MTX3: variants seen among roughly 807,000 people sequenced by gnomAD.
The protein encoded by MTX3 is metaxin-3.
A neutral mutation model predicts 42.5 loss-of-function variants in MTX3; 27 were observed. The observed-to-expected ratio is 0.64, with a 90% CI of 0.47 to 0.88. The LOEUF is 0.88. Ranked by LOEUF, MTX3 falls within the 40% of genes least tolerant of loss-of-function variation. MTX3 has a pLI of 0.00. For synonymous variants in MTX3, 144 were observed against 132.9 expected (o/e 1.08, Z -0.57); for missense variants, 378 against 367.0 (o/e 1.03, Z -0.25).
At chr5:79,991,054 G>C in intron 1 of MTX3, 104 bp downstream of exon 1, 1 of 1,172,738 alleles carries the variant, frequency 8.5e-7, no homozygotes, top group Non-Finnish European at 1.2e-6. Context: ...GCAGCGGCTC[G>C]GCCCTCCTGG....
In MTX3 at chr5:79,980,437, AC is replaced by A. The variant is rs1445081055; in HGVS notation, c.*3246del. On this transcript the variant is annotated 3_prime_UTR_variant, in exon 9 of 9. Transcript: ENST00000512528. Reference sequence around the variant, plus strand: ...TTTATAAAATCTCCAGTCTCGCAGCACCCCCAATATAATACAAACAAACTTA... The same window carrying A: ...TTTATAAAATCTCCAGTCTCGCAGCACCCCAATATAATACAAACAAACTTA... The A allele has an allele frequency of 2.0e-5, 3 of 152,118 alleles. No homozygotes were observed. Among genetic ancestry groups the A allele is most frequent in the African/African-American group, 7.2e-5 (3 of 41,404 alleles). The allele number at this position is 152,118 out of a possible 1,614,324, so 9.4% of individuals were successfully genotyped here.
Position 79,978,711 on chromosome 5 carries a change from T to C in MTX3, c.*4973A>G, listed in dbSNP as rs1257904909. The stretch of plus-strand genomic sequence containing the variant: ...TATCAAAGGTCTGAAAGGCCAACAG[T>C]AACTCAACTTTGTCTAACCCACTAT... On this transcript the variant is annotated 3_prime_UTR_variant, in exon 9 of 9. Coordinates refer to ENST00000512528, the MANE Select transcript of MTX3 (RefSeq NM_001363818.2). The C allele has an allele frequency of 6.6e-6, 1 of 152,244 alleles. No homozygotes were observed. The highest frequency in any genetic ancestry group is 2.4e-5 in the African/African-American group (1 of 41,446). The allele number at this position is 152,244 out of a possible 1,614,324, so 9.4% of individuals were successfully genotyped here.
chr5:79,989,299 C>T (rs1831571669), intron 3 of MTX3, 55 bp from the exon 4 acceptor site: 1 of 1,075,192 alleles, frequency 9.3e-7, no homozygotes, highest in South Asian at 1.5e-5. Flanking sequence ...AGCCCAAAGA[C>T]AGTAAAACTA....
rs1490514118 is a variant in MTX3 at position 79,986,953 on chromosome 5, C to T, written c.736G>A (p.Gly246Arg). The T allele has an allele frequency of 1.9e-6, 3 of 1,613,120 alleles. No homozygotes were observed. In the Admixed American group the frequency reaches 5.0e-5, roughly 27 times the overall value. Residue 246 changes from glycine to arginine, a missense_variant, in exon 7 of 9, where the codon GGA becomes AGA. Physicochemically the swap from Gly to Arg is moderately radical, Grantham distance 125. Transcript: ENST00000512528. ...AGCTGAAAAAGAGCCAGCTTACCTC[C>T]AAGACTAAGCCTAAAATAACTGCTC... ...ILSSYFRLSLGGISPAGQETV... is the reference protein window; with the variant it reads ...ILSSYFRLSLRGISPAGQETV...
chr5:79,989,114 T>G, intron 4 of MTX3, 38 bp downstream of exon 4: 1 of 1,390,146 alleles, frequency 7.2e-7, no homozygotes, highest in Middle Eastern at 1.8e-4. Flanking sequence ...CATTTGCAAC[T>G]AGGCTACTAA....
Position 79,990,169 on chromosome 5 carries a change from TA to T in MTX3, c.218del (p.Leu73Ter), listed in dbSNP as rs767412732. Reference sequence around the variant, plus strand: ...AAAGTGAACCACCCACCTGTTTTCTTAAAAAGTTTAGTATTTTTGCTGGCTG... The same window carrying T: ...AAAGTGAACCACCCACCTGTTTTCTTAAAAGTTTAGTATTTTTGCTGGCTG... ...VSQPAKILNF[L>X]RKQKYNADYE... On this transcript the variant is annotated frameshift_variant, in exon 3 of 9. Coordinates refer to ENST00000512528, the MANE Select transcript of MTX3 (RefSeq NM_001363818.2). LOFTEE classifies it high-confidence loss of function. 6.2e-7 allele frequency: 1 copy of T among 1,608,054 alleles called. No individual in the cohort carries two copies. Among genetic ancestry groups the T allele is most frequent in the Non-Finnish European group, 8.5e-7 (1 of 1,176,714 alleles).
Position 79,983,756 on chromosome 5 carries a change from A to G in MTX3, c.867T>C (p.Pro289=), listed in dbSNP as rs1358609814. ...TCAATTTAAGTGTTGGCAGTTTCCG[A>G]GGAGGAAGCTGAGGGCTTTGGCGAA... ...DNLRQSPQLP[P]RKLPTLKLTP... The change falls in exon 9 of 9, where the codon CCT becomes CCC. Residue 289 remains proline, a synonymous_variant. Transcript: ENST00000512528. The G allele has an allele frequency of 6.2e-7, 1 of 1,613,884 alleles. No individual in the cohort carries two copies. Among genetic ancestry groups the G allele is most frequent in the Admixed American group, 1.7e-5 (1 of 60,028 alleles).
rs905088300 is a variant in MTX3 at position 79,983,457 on chromosome 5, C to A, written c.*227G>T. 5 of 528,610 alleles carry A rather than the reference C, an allele frequency of 9.5e-6. No homozygotes were observed. The highest frequency in any genetic ancestry group is 8.0e-5 in the African/African-American group (4 of 49,952). 32.7% of individuals were successfully genotyped at this position (528,610 alleles called of 1,614,324 possible). A position where few individuals can be genotyped will look rare whatever the true frequency, so the allele number is the denominator to read the frequency against. On this transcript the variant is annotated 3_prime_UTR_variant, in exon 9 of 9. Coordinates refer to ENST00000512528, the MANE Select transcript of MTX3 (RefSeq NM_001363818.2). ...AGTACGATGTGTTTTTCTTCCCCGC[C>A]CCCCCAACCAAGTTCATTTAGCATT...
Position 79,990,686 on chromosome 5 carries a change from A to G in MTX3, c.82-23T>C, listed in dbSNP as rs1312317743. ...AGCCTGAAACAGAGTTTGCAATCAAACATTTTAGACCAAGTGCGTAATGCA... is the reference window on the plus strand; with the variant it reads ...AGCCTGAAACAGAGTTTGCAATCAAGCATTTTAGACCAAGTGCGTAATGCA... On this transcript the variant is annotated intron_variant, in intron 1 of 8. Transcript: ENST00000512528. 3 of 1,582,124 alleles carry G rather than the reference A, an allele frequency of 1.9e-6. No homozygotes were observed. In the South Asian group the frequency reaches 3.3e-5, roughly 18 times the overall value.
At position 79,990,670 on chromosome 5, in the gene MTX3, C is replaced by T; in HGVS notation, c.82-7G>A. 1 of 1,610,568 alleles carries T rather than the reference C, an allele frequency of 6.2e-7. No individual in the cohort carries two copies. Among genetic ancestry groups the T allele is most frequent in the South Asian group, 1.1e-5 (1 of 90,726 alleles). On this transcript the variant is annotated splice_polypyrimidine_tract_variant and splice_region_variant and intron_variant, in intron 1 of 8. Transcript: ENST00000512528. Reference sequence around the variant, plus strand: ...CAGAAAATTTGGCATAAGCCTGAAACAGAGTTTGCAATCAAACATTTTAGA... The same window carrying T: ...CAGAAAATTTGGCATAAGCCTGAAATAGAGTTTGCAATCAAACATTTTAGA...
intron 6 of MTX3, among the ~76,000 whole-genome samples, chr5:79,987,552 C>A (rs1831526100): frequency 6.6e-6 from 1 of 150,608 alleles, no homozygotes; most frequent in Non-Finnish European, 1.5e-5. Flanking sequence ...CTGAATTACA[C>A]AGTATAGTCT....
chr5:79,985,760 G>A (rs1831474679), intron 7 of MTX3, 101 bp from the exon 8 acceptor site: 2 of 707,980 alleles, frequency 2.8e-6, no homozygotes, highest in African/African-American at 3.6e-5. Context: ...CCTGTCCAGT[G>A]CCCCACCCTC....
Position 79,987,056 on chromosome 5 carries a change from T to C in MTX3, c.633A>G (p.Lys211=). 6.2e-7 allele frequency: 1 copy of C among 1,613,956 alleles called. No individual in the cohort carries two copies. The highest frequency in any genetic ancestry group is 8.5e-7 in the Non-Finnish European group (1 of 1,179,864). ...YVFGFLAPLY[K]VRFPKVQLQE... is the part of the protein sequence containing the mutation. ...GTAGCTGAACTTTAGGAAACCGTAC[T>C]TTGTAAAGAGGTGCAAGAAAACCAA... Residue 211 remains lysine, a synonymous_variant, in exon 7 of 9, where the codon AAA becomes AAG. Coordinates refer to ENST00000512528, the MANE Select transcript of MTX3 (RefSeq NM_001363818.2).
At chr5:79,985,939 T>TTTTAA (rs1561282155) in intron 7 of MTX3, among the ~76,000 whole-genome samples, 1 of 96,818 alleles carries the variant, frequency 1.0e-5, no homozygotes, top group African/African-American at 4.1e-5. Flanking sequence ...TTTTTTTTTT[T>TTTTAA]GAAAAAAAAA....
Position 79,977,205 on chromosome 5 carries a change from T to TTTAAC in MTX3, c.*6474_*6478dup, listed in dbSNP as rs1280312636. On this transcript the variant is annotated 3_prime_UTR_variant, in exon 9 of 9. Coordinates refer to ENST00000512528, the MANE Select transcript of MTX3 (RefSeq NM_001363818.2). ...GAGAAGTAAAACTCATTTTTATGCATTTAACTTAAAAGCTTGAATACACGA... is the reference window on the plus strand; with the variant it reads ...GAGAAGTAAAACTCATTTTTATGCATTTAACTTAACTTAAAAGCTTGAATACACGA... 1 of 152,198 alleles carries TTTAAC rather than the reference T, an allele frequency of 6.6e-6. No individual in the cohort carries two copies. 9.4% of individuals were successfully genotyped at this position (152,198 alleles called of 1,614,324 possible).
chr5:79,987,227 G>C, intron 6 of MTX3, 120 bp from the exon 7 acceptor site: 1 of 762,516 alleles, frequency 1.3e-6, no homozygotes, highest in East Asian at 2.7e-5. Flanking sequence ...GATCACTTGA[G>C]GTCAGGAGTT....
intron 8 of MTX3, among the ~76,000 whole-genome samples, chr5:79,984,172 T>G (rs546602472): frequency 6.6e-6 from 1 of 152,242 alleles, no homozygotes; most frequent in African/African-American, 2.4e-5. Flanking sequence ...TATTTGATCT[T>G]CCCGATACGC....
At chr5:79,987,431 A>C (rs1580887581) in intron 6 of MTX3, among the ~76,000 whole-genome samples, 4 of 129,652 alleles carry the variant, frequency 3.1e-5, no homozygotes, top group East Asian at 2.1e-4. Flanking sequence ...CAAGAGCAAG[A>C]CTCCATCTCA....
chr5:79,982,455 A>G lies in MTX3; in HGVS notation c.*1229T>C, dbSNP rs1831394655. The G allele has an allele frequency of 2.2e-6, 1 of 456,174 alleles. No homozygotes were observed. The highest frequency in any genetic ancestry group is 4.4e-6 in the Non-Finnish European group (1 of 226,746). 28.3% of individuals were successfully genotyped at this position (456,174 alleles called of 1,614,324 possible). A position where few individuals can be genotyped will look rare whatever the true frequency, so the allele number is the denominator to read the frequency against. ...CTGAGCACCACAGTAATCTTTTAAG[A>G]CACTAATCAAAAACATGGTTCTACA... On this transcript the variant is annotated 3_prime_UTR_variant, in exon 9 of 9. Transcript: ENST00000512528.
Sources: allele counts gnomAD v4.1 joint callset (sites outside exome capture counted in the v4.1 genomes callset), GRCh38; gene constraint gnomAD v4.1.1; transcripts MANE v1.5; gene names NCBI Gene and HGNC (gene_info 2026-07-23, HGNC 2026-07-21).